Variants in TULP4 observed in about 807,000 individuals in gnomAD.
TULP4 encodes the protein tubby-related protein 4.
TULP4 carries 16 observed loss-of-function variants against 129.0 expected under a neutral mutation model. The ratio of observed to expected loss-of-function variants is 0.12; its 90% confidence interval spans 0.08 to 0.19. The LOEUF (loss-of-function observed/expected upper bound fraction) is 0.19. Ranked by LOEUF, TULP4 falls within the 10% of genes least tolerant of loss-of-function variation. TULP4 has a pLI of 1.00. For synonymous variants in TULP4, 998 were observed against 854.0 expected (o/e 1.17, Z -2.94); for missense variants, 1,842 against 2,059.1 (o/e 0.89, Z 2.04).
At chr6:158,389,324 AC>A (rs1777533651) in intron 1 of TULP4, among the ~76,000 whole-genome samples, 1 of 152,044 alleles carries the variant, frequency 6.6e-6, no homozygotes, top group African/African-American at 2.4e-5. Flanking sequence ...GGTGGTATGC[AC>A]CTTATGTTCC....
At chr6:158,499,122 A>T (rs1213139614) in intron 12 of TULP4, among the ~76,000 whole-genome samples, 1 of 152,172 alleles carries the variant, frequency 6.6e-6, no homozygotes, top group African/African-American at 2.4e-5. Context: ...TTGTGTCTGG[A>T]TTCAGATAAG....
intron 1 of TULP4, among the ~76,000 whole-genome samples, chr6:158,273,104 T>A (rs1275418075): frequency 1.3e-5 from 2 of 152,238 alleles, no homozygotes; most frequent in Non-Finnish European, 2.9e-5. Context: ...TGTACTATGA[T>A]GTCCTTGGAA....
intron 1 of TULP4, among the ~76,000 whole-genome samples, chr6:158,256,326 C>CTG (rs1016630712): frequency 6.6e-5 from 10 of 152,140 alleles, no homozygotes; most frequent in Middle Eastern, 3.4e-3. Flanking sequence ...TATATAACTT[C>CTG]TGTGTGTGTG....
intron 3 of TULP4, among the ~76,000 whole-genome samples, chr6:158,442,594 C>T (rs945297681): frequency 3.3e-5 from 5 of 152,128 alleles, no homozygotes; most frequent in Admixed American, 3.3e-4. Flanking sequence ...TGCCTTACTT[C>T]AAAGAGCCGA....
intron 5 of TULP4, among the ~76,000 whole-genome samples, chr6:158,454,346 A>G (rs1040810991): frequency 2.0e-5 from 3 of 152,198 alleles, no homozygotes; most frequent in African/African-American, 7.2e-5. Context: ...TTTATAATCC[A>G]TGCTTAACTT....
intron 8 of TULP4, among the ~76,000 whole-genome samples, chr6:158,488,229 A>C (rs1279782005): frequency 1.3e-5 from 2 of 152,234 alleles, no homozygotes; most frequent in Non-Finnish European, 1.5e-5. Context: ...GGTTTCCTCA[A>C]GTCGAATCAC....
At chr6:158,418,582 T>C (rs1029006309) in intron 2 of TULP4, among the ~76,000 whole-genome samples, 1 of 152,070 alleles carries the variant, frequency 6.6e-6, no homozygotes, top group Non-Finnish European at 1.5e-5. Context: ...GCCTGGACAA[T>C]ATAGCAAGAC....
At chr6:158,452,535 C>T (rs544843464) in intron 5 of TULP4, among the ~76,000 whole-genome samples, 1 of 152,300 alleles carries the variant, frequency 6.6e-6, no homozygotes, top group African/African-American at 2.4e-5. Flanking sequence ...AAGAATGATC[C>T]TCTCTCAGGT....
rs113780280 is a variant in TULP4, at chr6:158,275,812, C to G, written n.69-36239C>G. On this transcript the variant is annotated intron_variant and non_coding_transcript_variant, in intron 1 of 1. Transcript: ENST00000620026. ...GTAGTTCTGCTGTGGAGGACAGTAA[C>G]TCGTCATCTTATTTAAGACCCTGTG... Among the ~76,000 whole-genome samples, 186 of 152,232 alleles carry G rather than the reference C, an allele frequency of 1.2e-3. 1 individual carries two copies. Among genetic ancestry groups the G allele is most frequent in the African/African-American group, 4.2e-3 (176 of 41,536 alleles).
rs1453973929 is a variant in TULP4, at chr6:158,314,184, G to C, written c.168G>C (p.Gly56=). 4 of 1,613,986 alleles carry C rather than the reference G, an allele frequency of 2.5e-6. No homozygotes were observed. Among genetic ancestry groups the C allele is most frequent in the Non-Finnish European group, 3.4e-6 (4 of 1,180,038 alleles). Residue 56 remains glycine (G), a synonymous_variant, in exon 1 of 14, where the codon GGG becomes GGC. Coordinates refer to ENST00000367097, the MANE Select transcript of TULP4 (RefSeq NM_020245.5). ...CGGGCAACGGGCGAGGAGTGGTTGG[G>C]GTGACTTTCACCTCTAGTCACTGTC... ...LATGNGRGVV[G]VTFTSSHCRR... is the part of the protein sequence containing the mutation.
intron 1 of TULP4, among the ~76,000 whole-genome samples, chr6:158,268,668 A>G (rs980978221): frequency 1.3e-4 from 20 of 152,214 alleles, no homozygotes; most frequent in African/African-American, 4.6e-4. Context: ...CATTTGGATC[A>G]TAGCAATTAC....
chr6:158,449,175 A>G lies in TULP4; in HGVS notation c.723A>G (p.Gln241=), dbSNP rs1779113631. 1 of 1,610,878 alleles carries G rather than the reference A, an allele frequency of 6.2e-7. No homozygotes were observed. The highest frequency in any genetic ancestry group is 1.3e-5 in the African/African-American group (1 of 75,016). Reference sequence around the variant, plus strand: ...ACTCAGATGACTACGCCCCTCCCCAAGGTACTCATTGGCCCTACTTTCCTT... The same window carrying G: ...ACTCAGATGACTACGCCCCTCCCCAGGGTACTCATTGGCCCTACTTTCCTT... ...DTDSDDYAPP[Q]DGPAAYPIPV... The change falls in exon 4 of 14, where the codon CAA becomes CAG. Residue 241 remains glutamine, a splice_region_variant and synonymous_variant. Transcript: ENST00000367097.
intron 6 of TULP4, 77 bp from the exon 7 acceptor site, chr6:158,479,674 G>T: frequency 7.2e-7 from 1 of 1,385,776 alleles, no homozygotes; most frequent in South Asian, 1.3e-5. Flanking sequence ...TTTTGCTCGA[G>T]ACAAGTGTGC....
intron 8 of TULP4, among the ~76,000 whole-genome samples, chr6:158,488,469 C>T (rs905776178): frequency 2.6e-5 from 4 of 152,210 alleles, no homozygotes; most frequent in Admixed American, 1.3e-4. Flanking sequence ...GTGATGTGGG[C>T]GACACAACCT....
At chr6:158,401,049 T>TG (rs1247579792) in intron 1 of TULP4, among the ~76,000 whole-genome samples, 5,941 of 109,804 alleles carry the variant, frequency 0.054, 297 homozygotes, top group African/African-American at 0.14. Flanking sequence ...TGTTTGGGTT[T>TG]TTTGTTGTTG....
intron 5 of TULP4, among the ~76,000 whole-genome samples, chr6:158,457,844 C>G (rs1256573281): frequency 6.6e-6 from 1 of 152,130 alleles, no homozygotes; most frequent in African/African-American, 2.4e-5. Flanking sequence ...GTGGGCAGAC[C>G]TGATAAGATT....
intron 1 of TULP4, among the ~76,000 whole-genome samples, chr6:158,365,530 G>T (rs1780919045): frequency 6.7e-6 from 1 of 148,894 alleles, no homozygotes; most frequent in Non-Finnish European, 1.5e-5. Context: ...AGGCTGGAGT[G>T]CAGTGGTGCG....
chr6:158,423,040 G>T (rs73798314), intron 2 of TULP4, among the ~76,000 whole-genome samples: 3,638 of 151,954 alleles, frequency 0.024, 151 homozygotes, highest in African/African-American at 0.083. Context: ...TCTCAGGGAG[G>T]CAGAGGCCGG....
intron 1 of TULP4, among the ~76,000 whole-genome samples, chr6:158,268,012 CTTTTCTTTTCT>C (rs367908267): frequency 0.01 from 1,394 of 134,840 alleles, 65 homozygotes; most frequent in East Asian, 0.014. Context: ...CTTTTCTTTT[CTTTTCTTTTCT>C]TTTTCTTTTT....
Sources: gnomAD v4.1 joint callset for allele counts (sites outside exome capture counted in the v4.1 genomes callset) on GRCh38, gnomAD v4.1.1 for gene constraint, MANE v1.5 for transcripts, NCBI Gene and HGNC (gene_info 2026-07-23, HGNC 2026-07-21) for gene names.